The following NELL1 variants were observed in gnomAD, a reference collection of about 807,000 sequenced individuals.
NELL1 encodes the protein neural EGFL like 1.
A neutral mutation model predicts 107.4 loss-of-function variants in NELL1; 76 were observed. That is an observed-to-expected ratio of 0.71 (90% CI 0.59 to 0.86). NELL1 has a LOEUF of 0.86. NELL1 is among the 40% of genes least tolerant of loss of function. The pLI, the probability that NELL1 is intolerant of heterozygous loss-of-function variation, is 0.00. For synonymous variants in NELL1, 353 were observed against 341.2 expected, an observed-to-expected ratio of 1.03 and a Z score of -0.38; for missense variants, 1,024 against 1,005.5, an observed-to-expected ratio of 1.02 and a Z score of -0.25.
chr11:21,080,601 G>T (rs4923322), intron 12 of NELL1, among the ~76,000 whole-genome samples: 151,019 of 152,188 alleles, frequency 0.99, 74,933 homozygotes, highest in East Asian at 1. Flanking sequence ...AATCTTTTAG[G>T]TTTTTTCCAG....
rs755977219 is a variant in NELL1, at chr11:21,575,332, A to G, written c.*310A>G. 1 of 262,406 alleles carries G rather than the reference A, an allele frequency of 3.8e-6. No homozygotes were observed. Among genetic ancestry groups the G allele is most frequent in the Non-Finnish European group, 7.4e-6 (1 of 136,046 alleles). 16.3% of individuals were successfully genotyped at this position (262,406 alleles called of 1,614,324 possible). A position where few individuals can be genotyped will look rare whatever the true frequency, so the allele number is the denominator to read the frequency against. On this transcript the variant is annotated 3_prime_UTR_variant, in exon 20 of 20. Coordinates refer to ENST00000357134, the MANE Select transcript of NELL1 (RefSeq NM_006157.5). Reference sequence around the variant, plus strand: ...TTTGCAAATACATTTAAATGATCTCATGGTAAATGTTGATGTATTTTTTGG... The same window carrying G: ...TTTGCAAATACATTTAAATGATCTCGTGGTAAATGTTGATGTATTTTTTGG...
intron 13 of NELL1, among the ~76,000 whole-genome samples, chr11:21,122,967 T>G (rs1328476062): frequency 3.3e-5 from 5 of 152,210 alleles, no homozygotes; most frequent in African/African-American, 1.2e-4. Flanking sequence ...TACTTGGTTA[T>G]TTTCAGTATG....
rs184726024 is a variant in NELL1 at position 20,998,919 on chromosome 11, T to A, written c.1300+38359T>A. Among the ~76,000 whole-genome samples the A allele has an allele frequency of 7.2e-5, 11 of 152,288 alleles. 1 individual carries two copies. In the East Asian group the frequency reaches 2.1e-3, roughly 29 times the overall value. On this transcript the variant is annotated intron_variant, in intron 12 of 19. Transcript: ENST00000357134. ...ACTCAGCCTTTCTTAAAATGAAATATACATTTTCAATAGGAATCAGACGAA... is the reference window on the plus strand; with the variant it reads ...ACTCAGCCTTTCTTAAAATGAAATAAACATTTTCAATAGGAATCAGACGAA...
chr11:20,700,974 T>C (rs1854766191), intron 2 of NELL1, among the ~76,000 whole-genome samples: 1 of 152,182 alleles, frequency 6.6e-6, no homozygotes, highest in South Asian at 2.1e-4. Flanking sequence ...AACATACGTG[T>C]GCATGTGTCT....
rs1476388371 is a variant in NELL1, at chr11:21,185,292, T to A, written c.1427-44040T>A. On this transcript the variant is annotated intron_variant, in intron 13 of 19. Transcript: ENST00000357134. ...AACATACTTGTATTTAATTCCAGTA[T>A]CTTTTTTTTTTTTTTTTTTTGAGGT... 4.3e-5 allele frequency among the ~76,000 whole-genome samples: 4 copies of A among 94,024 alleles called. No individual in the cohort carries two copies. The East Asian group carries it at 1.4e-3, about 33-fold the overall frequency. 61.7% of individuals were successfully genotyped at this position (94,024 alleles called of 152,430 possible).
Position 21,520,256 on chromosome 11 carries a change from C to A in NELL1, c.1646-14118C>A, listed in dbSNP as rs140616482. Among the ~76,000 whole-genome samples the A allele has an allele frequency of 5.7e-3, 862 of 152,216 alleles. 7 individuals carry two copies. Among genetic ancestry groups the A allele is most frequent in the African/African-American group, 0.02 (817 of 41,538 alleles). ...CATTCCAATAGTTTCTGAGGAACAACCCCTTCTAAATTCTCAGTTTAAGAT... is the reference window on the plus strand; with the variant it reads ...CATTCCAATAGTTTCTGAGGAACAAACCCTTCTAAATTCTCAGTTTAAGAT... On this transcript the variant is annotated intron_variant, in intron 15 of 19. Coordinates refer to ENST00000357134, the MANE Select transcript of NELL1 (RefSeq NM_006157.5).
chr11:20,834,133 A>G (rs1269537008), intron 3 of NELL1, among the ~76,000 whole-genome samples: 2 of 152,178 alleles, frequency 1.3e-5, no homozygotes, highest in African/African-American at 4.8e-5. Context: ...ATAGGAATCT[A>G]TATAGTTGCT....
At chr11:21,000,276 AG>A (rs1270047513) in intron 12 of NELL1, among the ~76,000 whole-genome samples, 1 of 151,872 alleles carries the variant, frequency 6.6e-6, no homozygotes, top group East Asian at 1.9e-4. Flanking sequence ...AAAAAAAAAA[AG>A]AATCTTAATC....
At chr11:21,174,511 T>C (rs1028598165) in intron 13 of NELL1, among the ~76,000 whole-genome samples, 3 of 151,590 alleles carry the variant, frequency 2.0e-5, no homozygotes, top group Non-Finnish European at 2.9e-5. Context: ...AATGATAAGG[T>C]AGTTGGTTAA....
At chr11:21,451,600 G>C (rs1341162453) in intron 15 of NELL1, among the ~76,000 whole-genome samples, 5 of 152,104 alleles carry the variant, frequency 3.3e-5, no homozygotes, top group Non-Finnish European at 7.4e-5. Context: ...AGGTTCCTGA[G>C]AAATAGAATC....
intron 14 of NELL1, among the ~76,000 whole-genome samples, chr11:21,340,255 C>T (rs933694647): frequency 6.6e-6 from 1 of 152,092 alleles, no homozygotes. Context: ...CAGGTTCATG[C>T]CATTCTCCCA....
At chr11:20,697,333 T>C (rs1854645368) in intron 2 of NELL1, among the ~76,000 whole-genome samples, 1 of 151,994 alleles carries the variant, frequency 6.6e-6, no homozygotes, top group Non-Finnish European at 1.5e-5. Flanking sequence ...GGATGTGTCA[T>C]CGGTGGTTCA....
At chr11:21,382,213 G>GTTTTT in intron 15 of NELL1, among the ~76,000 whole-genome samples, 1 of 151,818 alleles carries the variant, frequency 6.6e-6, no homozygotes, top group African/African-American at 2.4e-5. Context: ...GACAACCTCA[G>GTTTTT]CTTTTCCATG....
chr11:20,995,471 C>T (rs758670227), intron 12 of NELL1, among the ~76,000 whole-genome samples: 3 of 151,684 alleles, frequency 2.0e-5, no homozygotes, highest in South Asian at 2.1e-4. Context: ...CCAGCCACTC[C>T]GGAGGCTGAG....
chr11:20,904,591 G>C (rs1410901986), intron 5 of NELL1, among the ~76,000 whole-genome samples: 1 of 152,054 alleles, frequency 6.6e-6, no homozygotes, highest in Non-Finnish European at 1.5e-5. Context: ...AAGGAATTTA[G>C]AAAGCCATAT....
chr11:21,013,567 G>A (rs1453706285), intron 12 of NELL1, among the ~76,000 whole-genome samples: 2 of 152,102 alleles, frequency 1.3e-5, no homozygotes, highest in African/African-American at 4.8e-5. Flanking sequence ...TGCTAAGGAT[G>A]TATTTCCCCT....
chr11:20,706,785 A>T (rs747512868), intron 2 of NELL1, among the ~76,000 whole-genome samples: 2 of 152,138 alleles, frequency 1.3e-5, no homozygotes, highest in Non-Finnish European at 2.9e-5. Flanking sequence ...GGGTAACCCA[A>T]CCTTTCTCTC....
intron 12 of NELL1, among the ~76,000 whole-genome samples, chr11:21,023,042 C>T (rs895216000): frequency 6.6e-6 from 1 of 151,974 alleles, no homozygotes; most frequent in Non-Finnish European, 1.5e-5. Flanking sequence ...GGGCCTGCAT[C>T]TGGGAAGAAT....
At chr11:21,152,251 A>G (rs1856134735) in intron 13 of NELL1, among the ~76,000 whole-genome samples, 1 of 152,162 alleles carries the variant, frequency 6.6e-6, no homozygotes, top group Admixed American at 6.5e-5. Flanking sequence ...GAGTGTGAAA[A>G]GTGTGTACTT....
Sources: allele counts gnomAD v4.1 joint callset (sites outside exome capture counted in the v4.1 genomes callset), GRCh38; gene constraint gnomAD v4.1.1; transcripts MANE v1.5; gene names NCBI Gene and HGNC (gene_info 2026-07-23, HGNC 2026-07-21).